ZSCAN18: variants seen among roughly 807,000 people sequenced by gnomAD.
ZSCAN18 encodes zinc finger and SCAN domain containing 18, also known as zinc finger and SCAN domain-containing protein 18.
A neutral mutation model predicts 31.1 loss-of-function variants in ZSCAN18; 16 were observed. The ratio of observed to expected loss-of-function variants is 0.51; its 90% CI spans 0.35 to 0.78. The LOEUF is 0.78. ZSCAN18 is among the 30% of genes least tolerant of loss of function. The pLI is 0.01. For synonymous variants in ZSCAN18, 375 were observed against 320.7 expected (o/e 1.17, Z -1.81); for missense variants, 731 against 697.4 (o/e 1.05, Z -0.54).
upstream of ZSCAN18, among the ~76,000 whole-genome samples, chr19:58,101,125 CTTTTT>C (rs71188077): frequency 7.2e-3 from 922 of 127,230 alleles, 11 homozygotes; most frequent in African/African-American, 0.025. Flanking sequence ...ATTCCTCCCA[CTTTTT>C]TTTTTTTTTT....
intron 3 of ZSCAN18, 126 bp downstream of exon 3, chr19:58,088,562 A>G (rs2074333220): frequency 1.1e-6 from 1 of 913,144 alleles, no homozygotes; most frequent in African/African-American, 1.7e-5. Flanking sequence ...AGGAAGTCCC[A>G]ATGATAGCAT....
chr19:58,083,879 A>T lies in ZSCAN18; in HGVS notation c.*806T>A, dbSNP rs527411701. ...AGTTTAGTCTCCTTTGCTCAGACAG[A>T]CAGATCTTTATTAGTGTTTTCAACT... On this transcript the variant is annotated 3_prime_UTR_variant, in exon 7 of 7. Coordinates refer to ENST00000601144, the MANE Select transcript of ZSCAN18 (RefSeq NM_001145543.2). 1.3e-5 allele frequency: 2 copies of T among 152,236 alleles called. No individual in the cohort carries two copies. The highest frequency in any genetic ancestry group is 4.1e-4 in the South Asian group (2 of 4,836). The allele number at this position is 152,236 out of a possible 1,614,324, so 9.4% of individuals were successfully genotyped here. A position where few individuals can be genotyped will look rare whatever the true frequency, so the allele number is the denominator to read the frequency against.
intron 3 of ZSCAN18, 144 bp from the exon 4 acceptor site, chr19:58,087,548 C>T (rs2074308187): frequency 1.5e-6 from 1 of 689,578 alleles, no homozygotes; most frequent in African/African-American, 1.8e-5. Flanking sequence ...GACACTACAC[C>T]TTTCCCTGAT....
At chr19:58,113,248 G>A (rs10402098) in intron 1 of ZSCAN18, among the ~76,000 whole-genome samples, 115,135 of 151,152 alleles carry the variant, frequency 0.76, 44,541 homozygotes, top group Non-Finnish European at 0.85. Flanking sequence ...CCCGGGAGGC[G>A]GAGCTTGCAG....
intron 1 of ZSCAN18, among the ~76,000 whole-genome samples, chr19:58,116,670 C>T (rs1314941275): frequency 6.6e-6 from 1 of 152,156 alleles, no homozygotes; most frequent in Non-Finnish European, 1.5e-5. Flanking sequence ...GCTCCATCAT[C>T]ATCACCTGCA....
chr19:58,084,663 C>A lies in ZSCAN18; in HGVS notation c.*22G>T. The stretch of plus-strand genomic sequence containing the variant: ...TTCACGGCCGGCAAAGCGGCCCCTC[C>A]GGAACGGGACAGCACAGCGGCTCAC... On this transcript the variant is annotated 3_prime_UTR_variant, in exon 7 of 7. Coordinates refer to ENST00000601144, the MANE Select transcript of ZSCAN18 (RefSeq NM_001145543.2). The surrounding 1 kb of genome is among the most constrained non-coding windows in gnomAD (Gnocchi z 4.5). The A allele has an allele frequency of 1.4e-6, 2 of 1,455,730 alleles. No homozygotes were observed. Among genetic ancestry groups the A allele is most frequent in the Non-Finnish European group, 9.0e-7 (1 of 1,111,522 alleles). 90.2% of individuals were successfully genotyped at this position (1,455,730 alleles called of 1,614,324 possible).
At chr19:58,102,029 T>C (rs906689476), upstream of ZSCAN18, among the ~76,000 whole-genome samples, 1 of 152,068 alleles carries the variant, frequency 6.6e-6, no homozygotes, top group Non-Finnish European at 1.5e-5. Context: ...TTTTCTTTTA[T>C]AAATAAAAGC....
rs931005364 is a variant in ZSCAN18, at chr19:58,098,070, C to T, written c.-120+104G>A. On this transcript the variant is annotated intron_variant, in intron 1 of 6. Transcript: ENST00000601144. The stretch of plus-strand genomic sequence containing the variant: ...GGGGCTCGCACCCCAACCCCGGGAA[C>T]ACCCTGGCCCCTTTCCCTAACGCTG... 8.1e-6 allele frequency: 8 copies of T among 985,304 alleles called. No individual in the cohort carries two copies. In the African/African-American group the frequency reaches 1.4e-4, roughly 17 times the overall value. The allele number at this position is 985,304 out of a possible 1,614,324, so 61.0% of individuals were successfully genotyped here.
In ZSCAN18 at chr19:58,085,198, G is replaced by A. The variant is rs1473135166; in HGVS notation, c.1020C>T (p.Asp340=). ...ATCCGGTGGCAGAGTCGGACTCCGC[G>A]TCCTGGGGGTCCTGCGGGTCCGGGG... The part of the protein sequence containing the change: ...GKAPDPQDPQ[D]AESDSATGSQ... The change falls in exon 7 of 7, where the codon GAC becomes GAT. Residue 340 remains aspartate, a synonymous_variant. Coordinates refer to ENST00000601144, the MANE Select transcript of ZSCAN18 (RefSeq NM_001145543.2). The A allele has an allele frequency of 6.2e-7, 1 of 1,609,446 alleles. No homozygotes were observed. Among genetic ancestry groups the A allele is most frequent in the Admixed American group, 1.7e-5 (1 of 59,930 alleles).
Position 58,085,190 on chromosome 19 carries a change from G to C in ZSCAN18, c.1028C>G (p.Ser343Cys). The C allele has an allele frequency of 1.2e-6, 2 of 1,610,162 alleles. No individual in the cohort carries two copies. Among genetic ancestry groups the C allele is most frequent in the South Asian group, 1.1e-5 (1 of 90,970 alleles). ...CCTCTGCGATCCGGTGGCAGAGTCG[G>C]ACTCCGCGTCCTGGGGGTCCTGCGG... is the stretch of plus-strand genomic sequence containing the variant. ...PDPQDPQDAE[S>C]DSATGSQRQS... The change falls in exon 7 of 7, where the codon TCC becomes TGC. Residue 343 changes from serine to cysteine, a missense_variant. Ser to Cys is a moderately radical substitution (Grantham distance 112). Coordinates refer to ENST00000601144, the MANE Select transcript of ZSCAN18 (RefSeq NM_001145543.2).
rs780214894 is a variant in ZSCAN18, at chr19:58,084,668, CG to C, written c.*16del. On this transcript the variant is annotated 3_prime_UTR_variant, in exon 7 of 7. Coordinates refer to ENST00000601144, the MANE Select transcript of ZSCAN18 (RefSeq NM_001145543.2). This position sits in a 1 kb window ranked among gnomAD's most constrained non-coding sequence, Gnocchi z 4.5. ...GGCCGGCAAAGCGGCCCCTCCGGAA[CG>C]GGACAGCACAGCGGCTCACCTCTGC... The C allele has an allele frequency of 6.8e-7, 1 of 1,463,222 alleles. No homozygotes were observed. Among genetic ancestry groups the C allele is most frequent in the Non-Finnish European group, 9.0e-7 (1 of 1,115,456 alleles). The allele number at this position is 1,463,222 out of a possible 1,614,324, so 90.6% of individuals were successfully genotyped here.
At chr19:58,108,211 T>C (rs985378363) in intron 1 of ZSCAN18, 20 of 985,600 alleles carry the variant, frequency 2.0e-5, no homozygotes, top group Non-Finnish European at 2.3e-5. Context: ...CCATGTTTAA[T>C]AAGTTATGTG....
intron 1 of ZSCAN18, among the ~76,000 whole-genome samples, chr19:58,095,096 G>C (rs186202368): frequency 2.1e-4 from 32 of 152,120 alleles, no homozygotes; most frequent in Non-Finnish European, 3.7e-4. Context: ...TGGCCTGCAG[G>C]TGGGTACGCT....
chr19:58,106,216 A>T (rs1678839733), intron 1 of ZSCAN18, among the ~76,000 whole-genome samples: 1 of 152,076 alleles, frequency 6.6e-6, no homozygotes, highest in Non-Finnish European at 1.5e-5. Context: ...AGCTTGAGCA[A>T]TATGGTGAGA....
intron 1 of ZSCAN18, among the ~76,000 whole-genome samples, chr19:58,091,875 C>T (rs762812190): frequency 6.6e-6 from 1 of 152,104 alleles, no homozygotes; most frequent in East Asian, 1.9e-4. Context: ...TTCCCACAGC[C>T]GCAGCAAGCC....
chr19:58,096,385 C>A (rs570513241), intron 1 of ZSCAN18, among the ~76,000 whole-genome samples: 43 of 152,284 alleles, frequency 2.8e-4, no homozygotes, highest in African/African-American at 1.0e-3. Context: ...TGGAGCCCAG[C>A]CCCCCAGCCT....
At chr19:58,099,361 G>A (rs754126307), upstream of ZSCAN18, among the ~76,000 whole-genome samples, 1 of 152,036 alleles carries the variant, frequency 6.6e-6, no homozygotes, top group Non-Finnish European at 1.5e-5. Context: ...ACAGTATGTG[G>A]CCTCTTCAGA....
Position 58,085,612 on chromosome 19 carries a change from A to G in ZSCAN18, c.839-233T>C, listed in dbSNP as rs1599950323. On this transcript the variant is annotated intron_variant, in intron 6 of 6. Transcript: ENST00000601144. ...AGGCCTCCAACAACGGAGGCCACCGACAGGACAGGAAGGACAGCCCCACTG... is the reference window on the plus strand; with the variant it reads ...AGGCCTCCAACAACGGAGGCCACCGGCAGGACAGGAAGGACAGCCCCACTG... 7.5e-6 allele frequency: 4 copies of G among 535,518 alleles called. No homozygotes were observed. The East Asian group carries it at 1.3e-4, about 18-fold the overall frequency. 33.2% of individuals were successfully genotyped at this position (535,518 alleles called of 1,614,324 possible). A position where few individuals can be genotyped will look rare whatever the true frequency, so the allele number is the denominator to read the frequency against.
chr19:58,086,760 A>T, intron 5 of ZSCAN18, 146 bp downstream of exon 5: 1 of 612,254 alleles, frequency 1.6e-6, no homozygotes, highest in Non-Finnish European at 2.8e-6. Flanking sequence ...TTCAGCGAAT[A>T]AATTCAAGCT....
Sources: allele counts gnomAD v4.1 joint callset (sites outside exome capture counted in the v4.1 genomes callset), GRCh38; gene constraint gnomAD v4.1.1; non-coding constraint Gnocchi (gnomAD v3.1); transcripts MANE v1.5; gene names NCBI Gene and HGNC (gene_info 2026-07-23, HGNC 2026-07-21).